The following SLC28A3 variants were observed in gnomAD, a reference collection of about 807,000 sequenced individuals.
SLC28A3 encodes solute carrier family 28 member 3, also known as concentrative Na(+)-nucleoside cotransporter 3.
In SLC28A3, 68 loss-of-function variants were observed where a neutral mutation model predicts 84.2. That is an observed-to-expected ratio of 0.81 (90% confidence interval 0.66 to 0.99). SLC28A3 has a LOEUF of 0.99. Among genes scored for constraint, SLC28A3 ranks in the 50% least tolerant of loss-of-function variants. The probability of loss-of-function intolerance (pLI) is 0.00; values close to 1 mark genes in which losing one functional copy is unlikely to be tolerated. For synonymous variants in SLC28A3, 267 were observed against 303.6 expected, an observed-to-expected ratio of 0.88 and a Z score of 1.25; for missense variants, 712 against 841.5, an observed-to-expected ratio of 0.85 and a Z score of 1.90.
chr9:84,320,040 GTTTTTTTTTTTTT>G (rs1182939298), intron 1 of SLC28A3, among the ~76,000 whole-genome samples: 1 of 59,610 alleles, frequency 1.7e-5, no homozygotes, highest in East Asian at 3.8e-4. Flanking sequence ...GGCTTGCACT[GTTTTTTTTTTTTT>G]TTTTTTTTTT....
At chr9:84,300,929 C>T (rs187256374) in intron 5 of SLC28A3, among the ~76,000 whole-genome samples, 2 of 152,222 alleles carry the variant, frequency 1.3e-5, no homozygotes, top group East Asian at 3.9e-4. Context: ...GGGTCATGTT[C>T]ACAGTTCTCA....
chr9:84,278,027 G>C lies in SLC28A3; in HGVS notation c.*191C>G, dbSNP rs1824585755. On this transcript the variant is annotated 3_prime_UTR_variant, in exon 18 of 18. Coordinates refer to ENST00000376238, the MANE Select transcript of SLC28A3 (RefSeq NM_001199633.2). Reference sequence around the variant, plus strand: ...GCAGTTCTTGGTGGGGAAGGGGCTGGTGGGGAGGGAGGGGAGGAGGAAAAT... The same window carrying C: ...GCAGTTCTTGGTGGGGAAGGGGCTGCTGGGGAGGGAGGGGAGGAGGAAAAT... 1 of 660,216 alleles carries C rather than the reference G, an allele frequency of 1.5e-6. No individual in the cohort carries two copies. The highest frequency in any genetic ancestry group is 1.8e-5 in the African/African-American group (1 of 55,280). The allele number at this position is 660,216 out of a possible 1,614,324, so 40.9% of individuals were successfully genotyped here.
chr9:84,295,675 C>T (rs954102397), intron 8 of SLC28A3, among the ~76,000 whole-genome samples: 3 of 152,156 alleles, frequency 2.0e-5, no homozygotes, highest in African/African-American at 7.2e-5. Flanking sequence ...TGGGTGCCTT[C>T]AGTGCAGCCA....
intron 11 of SLC28A3, among the ~76,000 whole-genome samples, chr9:84,288,903 C>T (rs1825103750): frequency 6.6e-6 from 1 of 152,130 alleles, no homozygotes; most frequent in African/African-American, 2.4e-5. Flanking sequence ...AGAAGGGACT[C>T]ATGATTCATG....
At chr9:84,350,299 G>A in the SLC28A3 span, among the ~76,000 whole-genome samples, 3 of 151,932 alleles carry the variant, frequency 2.0e-5, no homozygotes, top group Admixed American at 6.6e-5. Context: ...AAAATTAGCC[G>A]GGTGTGGTGG....
rs76646032 is a variant in SLC28A3 at position 84,306,198 on chromosome 9, C to T, written c.243-853G>A. ...GGTGGAAGGAACTTCTTGCATATTT[C>T]CCCATTGTCCCCTCCAGGCCACGGG... On this transcript the variant is annotated intron_variant, in intron 3 of 17. Coordinates refer to ENST00000376238, the MANE Select transcript of SLC28A3 (RefSeq NM_001199633.2). Among the ~76,000 whole-genome samples the T allele has an allele frequency of 3.9e-4, 60 of 152,270 alleles. 2 individuals are homozygous for T. In the East Asian group the frequency reaches 0.011, roughly 29 times the overall value.
chr9:84,311,963 T>G (rs1588600232), intron 2 of SLC28A3, among the ~76,000 whole-genome samples: 1 of 152,272 alleles, frequency 6.6e-6, no homozygotes, highest in Admixed American at 6.5e-5. Context: ...TGTCGTATAG[T>G]TGGGATCGCA....
At position 84,331,695 on chromosome 9, in the gene SLC28A3, G is replaced by C. The variant is rs547360177; in HGVS notation, c.60+8879C>G. Among the ~76,000 whole-genome samples the C allele has an allele frequency of 2.0e-5, 3 of 152,310 alleles. No homozygotes were observed. The East Asian group carries it at 5.8e-4, about 29-fold the overall frequency. On this transcript the variant is annotated intron_variant, in intron 1 of 17. Coordinates refer to ENST00000376238, the MANE Select transcript of SLC28A3 (RefSeq NM_001199633.2). ...GTGCCTCTGAGAGCAGCTGTGGTAA[G>C]ATTGATTGCTTATTCACAGGGAGGA...
At chr9:84,323,217 C>CA (rs1488920448) in intron 1 of SLC28A3, among the ~76,000 whole-genome samples, 2 of 152,154 alleles carry the variant, frequency 1.3e-5, no homozygotes, top group African/African-American at 4.8e-5. Flanking sequence ...GATATTTGAG[C>CA]ATTTGCTAGG....
Position 84,320,389 on chromosome 9 carries a change from C to G in SLC28A3, c.61-6935G>C, listed in dbSNP as rs140266840. Among the ~76,000 whole-genome samples the G allele has an allele frequency of 7.1e-3, 1,088 of 152,202 alleles. 17 individuals carry two copies. Among genetic ancestry groups the G allele is most frequent in the South Asian group, 0.034 (166 of 4,826 alleles). ...CATTTACTACTCCATGGAAATCACCCTTGCCAAAGACAATGATTTCCATGT... is the reference window on the plus strand; with the variant it reads ...CATTTACTACTCCATGGAAATCACCGTTGCCAAAGACAATGATTTCCATGT... On this transcript the variant is annotated intron_variant, in intron 1 of 17. Transcript: ENST00000376238.
At chr9:84,286,603 T>C (rs1322274185) in intron 12 of SLC28A3, among the ~76,000 whole-genome samples, 1 of 151,990 alleles carries the variant, frequency 6.6e-6, no homozygotes, top group Non-Finnish European at 1.5e-5. Flanking sequence ...TAATAAAAAA[T>C]TGGAAAATGA....
chr9:84,353,385 A>T, the SLC28A3 span, among the ~76,000 whole-genome samples: 1 of 152,290 alleles, frequency 6.6e-6, no homozygotes, highest in Non-Finnish European at 1.5e-5. Context: ...GGAAATAATG[A>T]TATTGAATTC....
the SLC28A3 span, among the ~76,000 whole-genome samples, chr9:84,368,512 C>G: frequency 6.6e-6 from 1 of 152,084 alleles, no homozygotes; most frequent in Non-Finnish European, 1.5e-5. Context: ...ATGCTGAATG[C>G]TGGCCGGACT....
At chr9:84,305,404 G>T in intron 3 of SLC28A3, 59 bp from the exon 4 acceptor site, 2 of 1,348,404 alleles carry the variant, frequency 1.5e-6, no homozygotes, top group East Asian at 2.3e-5. Flanking sequence ...GAAATAAACT[G>T]CATGGTGAGG....
At chr9:84,291,498 A>C (rs567466085) in intron 10 of SLC28A3, among the ~76,000 whole-genome samples, 2 of 152,174 alleles carry the variant, frequency 1.3e-5, no homozygotes, top group South Asian at 4.1e-4. Flanking sequence ...CACCATGCCC[A>C]GCTAATTTTG....
intron 15 of SLC28A3, among the ~76,000 whole-genome samples, chr9:84,280,321 A>G (rs1271880211): frequency 6.6e-6 from 1 of 152,216 alleles, no homozygotes; most frequent in Non-Finnish European, 1.5e-5. Flanking sequence ...TCCACAGAAG[A>G]AAAACCTCCT....
the SLC28A3 span, among the ~76,000 whole-genome samples, chr9:84,358,220 G>C: frequency 6.6e-6 from 1 of 152,190 alleles, no homozygotes; most frequent in Non-Finnish European, 1.5e-5. Flanking sequence ...GGTTCTATTA[G>C]GGGCTTCCAT....
chr9:84,313,560 T>C, intron 1 of SLC28A3, 106 bp from the exon 2 acceptor site: 1 of 850,590 alleles, frequency 1.2e-6, no homozygotes, highest in Non-Finnish European at 1.8e-6. Flanking sequence ...CAAACAAAGA[T>C]TAGGTGTTCA....
At chr9:84,334,361 A>C (rs763521843) in intron 1 of SLC28A3, among the ~76,000 whole-genome samples, 15 of 152,238 alleles carry the variant, frequency 9.9e-5, no homozygotes, top group Non-Finnish European at 1.9e-4. Context: ...TATTATATAA[A>C]GTTCAAAACC....
Sources: allele counts gnomAD v4.1 joint callset (sites outside exome capture counted in the v4.1 genomes callset), GRCh38; gene constraint gnomAD v4.1.1; transcripts MANE v1.5; gene names NCBI Gene and HGNC (gene_info 2026-07-23, HGNC 2026-07-21).